The following RYR3 variants were observed in gnomAD, a reference collection of about 807,000 sequenced individuals.
RYR3 encodes the protein ryanodine receptor 3.
RYR3 carries 207 observed loss-of-function variants against 584.3 expected under a neutral mutation model. That is an observed-to-expected ratio of 0.35 (90% CI 0.32 to 0.40). RYR3 has a LOEUF of 0.40. Ranked by LOEUF, RYR3 falls within the 10% of genes least tolerant of loss-of-function variation. The pLI, the probability that RYR3 is intolerant of heterozygous loss-of-function variation, is 1.00. For synonymous variants in RYR3, 2,416 were observed against 2,248.5 expected, an observed-to-expected ratio of 1.07 and a Z score of -2.11; for missense variants, 5,616 against 6,089.2, an observed-to-expected ratio of 0.92 and a Z score of 2.59.
At chr15:33,322,869 T>C (rs1969158464) in intron 1 of RYR3, among the ~76,000 whole-genome samples, 2 of 151,584 alleles carry the variant, frequency 1.3e-5, no homozygotes, top group Non-Finnish European at 2.9e-5. Flanking sequence ...GAATTCACAC[T>C]CTTGTCTACC....
rs529320805 is a variant in RYR3 at position 33,682,999 on chromosome 15, T to G, written c.5860+12443T>G. ...GCTGTCCCACTTTGAGAGTCATGTT[T>G]CCTTTTTTTTTTTGAGATGGAGTCT... On this transcript the variant is annotated intron_variant, in intron 38 of 103. Transcript: ENST00000634891. 2.1e-4 allele frequency among the ~76,000 whole-genome samples: 21 copies of G among 99,762 alleles called. No individual in the cohort carries two copies. The East Asian group carries it at 5.2e-3, about 25-fold the overall frequency. The allele number at this position is 99,762 out of a possible 152,430, so 65.4% of individuals were successfully genotyped here. A position where few individuals can be genotyped will look rare whatever the true frequency, so the allele number is the denominator to read the frequency against.
intron 1 of RYR3, among the ~76,000 whole-genome samples, chr15:33,454,452 A>G (rs1445824624): frequency 1.3e-5 from 2 of 152,208 alleles, no homozygotes; most frequent in Non-Finnish European, 2.9e-5. Flanking sequence ...GACCCTGGCC[A>G]AGCGAAACTC....
In RYR3 at chr15:33,318,564, G is replaced by A. The variant is rs375432809; in HGVS notation, c.51+7468G>A. Among the ~76,000 whole-genome samples the A allele has an allele frequency of 1.2e-4, 18 of 152,298 alleles. No individual in the cohort carries two copies. In the East Asian group the frequency reaches 1.3e-3, roughly 11 times the overall value. On this transcript the variant is annotated intron_variant, in intron 1 of 103. Coordinates refer to ENST00000634891, the MANE Select transcript of RYR3 (RefSeq NM_001036.6). ...GAGGGGCAAGCCTGAGTAGGGCACC[G>A]CATTGGTGCTTGGGGAACCTTGAGT...
At chr15:33,327,441 G>C (rs1038678705) in intron 1 of RYR3, among the ~76,000 whole-genome samples, 4 of 152,142 alleles carry the variant, frequency 2.6e-5, no homozygotes, top group Admixed American at 6.5e-5. Context: ...TGCTACCCTC[G>C]CTCTGGCCCT....
chr15:33,671,347 A>T (rs4238568), intron 38 of RYR3, among the ~76,000 whole-genome samples: 138,224 of 152,254 alleles, frequency 0.91, 63,057 homozygotes, highest in Non-Finnish European at 0.95. Context: ...TTATCTTGTT[A>T]CCTATTCCTA....
intron 65 of RYR3, among the ~76,000 whole-genome samples, chr15:33,782,879 T>C (rs8038562): frequency 0.7 from 106,784 of 152,044 alleles, 38,096 homozygotes; most frequent in East Asian, 0.96. Flanking sequence ...CTGTTATGAG[T>C]CAGTTATTCA....
chr15:33,319,608 T>A (rs999325730), intron 1 of RYR3, among the ~76,000 whole-genome samples: 13 of 152,218 alleles, frequency 8.5e-5, no homozygotes, highest in Non-Finnish European at 1.3e-4. Context: ...AAGTCAGAGG[T>A]AAAGCGTTTG....
chr15:33,747,132 G>A (rs1273532414), intron 53 of RYR3, among the ~76,000 whole-genome samples: 1 of 152,026 alleles, frequency 6.6e-6, no homozygotes, highest in Non-Finnish European at 1.5e-5. Flanking sequence ...CTAATACATG[G>A]AAGATACAGG....
At chr15:33,629,412 A>C (rs750183206) in intron 21 of RYR3, among the ~76,000 whole-genome samples, 1 of 152,230 alleles carries the variant, frequency 6.6e-6, no homozygotes, top group Non-Finnish European at 1.5e-5. Context: ...ATAATTTCTT[A>C]TATTGATTAC....
intron 48 of RYR3, among the ~76,000 whole-genome samples, chr15:33,732,090 G>A (rs956046501): frequency 6.6e-6 from 1 of 152,068 alleles, no homozygotes; most frequent in Admixed American, 6.5e-5. Context: ...GTGAATAAAA[G>A]CAACCTACCG....
At chr15:33,546,022 T>A (rs1314424048) in intron 8 of RYR3, among the ~76,000 whole-genome samples, 2 of 152,202 alleles carry the variant, frequency 1.3e-5, no homozygotes, top group Non-Finnish European at 2.9e-5. Flanking sequence ...AAGGCTAAGC[T>A]GTCAGCCAAG....
intron 86 of RYR3, among the ~76,000 whole-genome samples, chr15:33,832,922 C>T (rs1162080063): frequency 4.0e-5 from 6 of 149,388 alleles, no homozygotes; most frequent in South Asian, 4.3e-4. Flanking sequence ...GCAGGAGAAT[C>T]GCTTGAACCC....
At chr15:33,630,292 A>G (rs1447893881) in intron 22 of RYR3, among the ~76,000 whole-genome samples, 1 of 152,226 alleles carries the variant, frequency 6.6e-6, no homozygotes, top group Non-Finnish European at 1.5e-5. Flanking sequence ...AGAAACTTAG[A>G]ATCAAAGGAC....
At chr15:33,694,402 G>A (rs1012599793) in intron 38 of RYR3, among the ~76,000 whole-genome samples, 2 of 120,856 alleles carry the variant, frequency 1.7e-5, no homozygotes, top group African/African-American at 5.1e-5. Context: ...CCTCCATCAC[G>A]CCCGGTTAAT....
intron 1 of RYR3, among the ~76,000 whole-genome samples, chr15:33,455,429 C>G: frequency 6.6e-6 from 1 of 152,064 alleles, no homozygotes; most frequent in Non-Finnish European, 1.5e-5. Flanking sequence ...GAAGACAGAG[C>G]CTGAGGAATT....
intron 49 of RYR3, among the ~76,000 whole-genome samples, chr15:33,737,482 G>A (rs1240266464): frequency 6.6e-6 from 1 of 152,126 alleles, no homozygotes; most frequent in African/African-American, 2.4e-5. Context: ...GATTTTAACA[G>A]CACTTTCCTT....
intron 6 of RYR3, among the ~76,000 whole-genome samples, chr15:33,540,252 G>C (rs2055705323): frequency 6.6e-6 from 1 of 152,174 alleles, no homozygotes; most frequent in African/African-American, 2.4e-5. Context: ...GAGAAAGAAA[G>C]AAAATGTACA....
intron 63 of RYR3, among the ~76,000 whole-genome samples, chr15:33,772,873 G>A (rs930838238): frequency 1.7e-4 from 26 of 152,146 alleles, no homozygotes; most frequent in Admixed American, 3.9e-4. Flanking sequence ...TTCCTTGGTC[G>A]GAAAAGAAAA....
intron 1 of RYR3, among the ~76,000 whole-genome samples, chr15:33,433,213 G>A (rs2045354377): frequency 6.6e-6 from 1 of 152,116 alleles, no homozygotes; most frequent in Non-Finnish European, 1.5e-5. Flanking sequence ...CCTGGGGTTG[G>A]ACCGAGGGGT....
Sources: gnomAD v4.1 joint callset for allele counts (sites outside exome capture counted in the v4.1 genomes callset) on GRCh38, gnomAD v4.1.1 for gene constraint, MANE v1.5 for transcripts, NCBI Gene and HGNC (gene_info 2026-07-23, HGNC 2026-07-21) for gene names.